GARRE1: variants seen among roughly 807,000 people sequenced by gnomAD.
The protein encoded by GARRE1 is granule associated Rac and RHOG effector protein 1.
Under a neutral mutation model 103.2 loss-of-function variants are expected in GARRE1, and 49 were observed. That is an observed-to-expected ratio of 0.47 (90% CI 0.38 to 0.60). GARRE1 has a LOEUF of 0.60. GARRE1 is among the 20% of genes least tolerant of loss of function. GARRE1 has a pLI of 0.00. For synonymous variants in GARRE1, 505 were observed against 532.8 expected, an observed-to-expected ratio of 0.95 and a Z score of 0.72; for missense variants, 1,199 against 1,370.5, an observed-to-expected ratio of 0.87 and a Z score of 1.98.
intron 1 of GARRE1, chr19:34,296,549 C>T (rs960304822): frequency 5.0e-6 from 8 of 1,595,128 alleles, no homozygotes; most frequent in Non-Finnish European, 6.8e-6. Flanking sequence ...CACGTGCACT[C>T]ATGGCCTTGG....
At chr19:34,339,516 C>T (rs531002083) in intron 8 of GARRE1, among the ~76,000 whole-genome samples, 1 of 152,162 alleles carries the variant, frequency 6.6e-6, no homozygotes, top group African/African-American at 2.4e-5. Flanking sequence ...ACCCGATGGT[C>T]TGATGATTTT....
rs767257216 is a variant in GARRE1 at position 34,342,361 on chromosome 19, G to A, written c.2427G>A (p.Lys809=). 16 of 1,614,208 alleles carry A rather than the reference G, an allele frequency of 9.9e-6. No individual in the cohort carries two copies. Among genetic ancestry groups the A allele is most frequent in the Non-Finnish European group, 1.4e-5 (16 of 1,180,038 alleles). The change falls in exon 10 of 14, where the codon AAG becomes AAA. Residue 809 remains lysine (K), a synonymous_variant. Transcript: ENST00000299505. ...TGATGTCAGAGGTTCTGGGACAGAA[G>A]CCGCAGGGACCTAGAAATAACACCT... ...DNVMSEVLGQ[K]PQGPRNNTWP... is the part of the protein sequence containing the mutation.
intron 7 of GARRE1, among the ~76,000 whole-genome samples, chr19:34,331,707 A>G (rs540171298): frequency 2.0e-4 from 30 of 152,266 alleles, no homozygotes; most frequent in African/African-American, 7.0e-4. Flanking sequence ...TCAAAAACAT[A>G]TGGTGGCAGG....
rs1428242952 is a variant in GARRE1 at position 34,329,884 on chromosome 19, C to CCT, written c.1105-304_1105-303dup. Among the ~76,000 whole-genome samples the CCT allele has an allele frequency of 2.6e-5, 4 of 151,922 alleles. No individual in the cohort carries two copies. In the East Asian group the frequency reaches 7.7e-4, roughly 29 times the overall value. On this transcript the variant is annotated intron_variant, in intron 6 of 13. Coordinates refer to ENST00000299505, the MANE Select transcript of GARRE1 (RefSeq NM_014686.5). ...TCTTTTCCCAGGAGTTCAAGACTAG[C>CCT]CTGGGCAACATAGCAAGACTCCACG... is the stretch of plus-strand genomic sequence containing the variant.
At chr19:34,260,476 A>G (rs751981044) in intron 1 of GARRE1, among the ~76,000 whole-genome samples, 1 of 152,222 alleles carries the variant, frequency 6.6e-6, no homozygotes, top group Non-Finnish European at 1.5e-5. Context: ...AATTTTGGCT[A>G]TATACTTCTT....
intron 1 of GARRE1, among the ~76,000 whole-genome samples, chr19:34,288,468 A>G (rs1339379057): frequency 2.0e-5 from 3 of 152,196 alleles, no homozygotes; most frequent in Admixed American, 1.3e-4. Flanking sequence ...CCTGTGTGCA[A>G]TCAGAATTGC....
intron 1 of GARRE1, among the ~76,000 whole-genome samples, chr19:34,272,926 A>G (rs940052140): frequency 1.3e-5 from 2 of 152,230 alleles, no homozygotes; most frequent in African/African-American, 4.8e-5. Flanking sequence ...TAACACGGCC[A>G]GGTGTGATGG....
chr19:34,342,385 C>G lies in GARRE1; in HGVS notation c.2451C>G (p.Thr817=), dbSNP rs758541825. 1.2e-6 allele frequency: 2 copies of G among 1,614,192 alleles called. No homozygotes were observed. Among genetic ancestry groups the G allele is most frequent in the East Asian group, 2.2e-5 (1 of 44,882 alleles). Residue 817 remains threonine, a synonymous_variant, in exon 10 of 14, where the codon ACC becomes ACG. Transcript: ENST00000299505. The part of the protein sequence containing the change: ...GQKPQGPRNN[T]WPNRDQSDGV... ...AGCCGCAGGGACCTAGAAATAACAC[C>G]TGGCCCAACCGTGACCAAAGTGATG...
chr19:34,279,942 G>A (rs1301000376), intron 1 of GARRE1, among the ~76,000 whole-genome samples: 1 of 137,128 alleles, frequency 7.3e-6, no homozygotes, highest in African/African-American at 2.9e-5. Flanking sequence ...CCGAGATCCC[G>A]CCACTGCACT....
rs146336774 is a variant in GARRE1 at position 34,293,715 on chromosome 19, AACACAC to A, written c.-795-5940_-795-5935del. ...CAACCTCTTGAAGCATAAACATATA[AACACAC>A]ACACACACACACACACACACACATA... On this transcript the variant is annotated intron_variant, in intron 1 of 13. Transcript: ENST00000299505. Among the ~76,000 whole-genome samples the A allele has an allele frequency of 4.9e-3, 497 of 100,494 alleles. 3 individuals are homozygous for A. The highest frequency in any genetic ancestry group is 0.012 in the East Asian group (40 of 3,386). 65.9% of individuals were successfully genotyped at this position (100,494 alleles called of 152,430 possible).
In GARRE1 at chr19:34,300,548, G is replaced by A. The variant is rs753820886; in HGVS notation, c.75G>A (p.Lys25=). The A allele has an allele frequency of 6.2e-7, 1 of 1,613,538 alleles. No homozygotes were observed. Among genetic ancestry groups the A allele is most frequent in the East Asian group, 2.2e-5 (1 of 44,876 alleles). The change falls in exon 2 of 14, where the codon AAG becomes AAA. Residue 25 remains lysine (K), a synonymous_variant. Coordinates refer to ENST00000299505, the MANE Select transcript of GARRE1 (RefSeq NM_014686.5). ...RRFLLGGSKQ[K]VQQHQQYPMP... ...TCCTGCTTGGCGGGTCCAAGCAGAA[G>A]GTGCAGCAGCACCAGCAATACCCGA...
rs368645251 is a variant in GARRE1, at chr19:34,349,112, G to A, written c.2784G>A (p.Met928Ile). ...CCAACGGGGACAGCTTGTTCTCCATGTTTTCAGGGCCTGACCTCGTTGCTG... is the reference window on the plus strand; with the variant it reads ...CCAACGGGGACAGCTTGTTCTCCATATTTTCAGGGCCTGACCTCGTTGCTG... ...SSANGDSLFS[M>I]FSGPDLVAAV... The change falls in exon 12 of 14, where the codon ATG (methionine) becomes ATA (isoleucine). Residue 928 changes from methionine (M) to isoleucine (I), a missense_variant. By Grantham distance (10) the Met-to-Ile change is conservative. Transcript: ENST00000299505. The A allele has an allele frequency of 6.2e-7, 1 of 1,612,798 alleles. No individual in the cohort carries two copies. The highest frequency in any genetic ancestry group is 1.3e-5 in the African/African-American group (1 of 74,900).
intron 1 of GARRE1, among the ~76,000 whole-genome samples, chr19:34,261,148 A>C (rs1049618615): frequency 9.9e-5 from 15 of 152,148 alleles, no homozygotes; most frequent in Admixed American, 1.3e-4. Flanking sequence ...CTGCACGTGG[A>C]GATTTCTTGG....
intron 2 of GARRE1, among the ~76,000 whole-genome samples, chr19:34,304,427 G>A (rs2073997451): frequency 6.7e-6 from 1 of 148,848 alleles, no homozygotes; most frequent in South Asian, 2.1e-4. Context: ...CCGGGCTAGA[G>A]TGCAGTGGCG....
chr19:34,316,557 G>A (rs2074061395), intron 2 of GARRE1, among the ~76,000 whole-genome samples: 1 of 152,192 alleles, frequency 6.6e-6, no homozygotes, highest in Admixed American at 6.5e-5. Flanking sequence ...GTGGGCAGAG[G>A]CAGGCTGGAG....
rs554868396 is a variant in GARRE1, at chr19:34,289,583, G to A, written c.-795-10096G>A. ...CACTAAATATACAAAAATTAGCTGG[G>A]TGTGGTGGCGCGTGTCTGTTATCCC... On this transcript the variant is annotated intron_variant, in intron 1 of 13. Coordinates refer to ENST00000299505, the MANE Select transcript of GARRE1 (RefSeq NM_014686.5). 1.4e-3 allele frequency among the ~76,000 whole-genome samples: 218 copies of A among 151,918 alleles called. 2 individuals carry two copies. Among genetic ancestry groups the A allele is most frequent in the African/African-American group, 5.1e-3 (213 of 41,438 alleles).
intron 10 of GARRE1, among the ~76,000 whole-genome samples, chr19:34,344,847 T>C (rs910049381): frequency 2.3e-4 from 34 of 150,886 alleles, no homozygotes; most frequent in Non-Finnish European, 4.4e-4. Context: ...CTAATTTTTT[T>C]TTTTTTTTAT....
intron 3 of GARRE1, 22 bp from the exon 4 acceptor site, chr19:34,327,399 C>T: frequency 1.2e-6 from 2 of 1,611,806 alleles, no homozygotes; most frequent in Non-Finnish European, 1.7e-6. Flanking sequence ...CTTTTACCTA[C>T]CAGTTACTAT....
At chr19:34,284,623 A>G (rs2073875402) in intron 1 of GARRE1, among the ~76,000 whole-genome samples, 2 of 152,246 alleles carry the variant, frequency 1.3e-5, no homozygotes, top group South Asian at 4.1e-4. Flanking sequence ...AAGTAGCATT[A>G]AAACTTAAGA....
Sources: gnomAD v4.1 joint callset for allele counts (sites outside exome capture counted in the v4.1 genomes callset) on GRCh38, gnomAD v4.1.1 for gene constraint, MANE v1.5 for transcripts, NCBI Gene and HGNC (gene_info 2026-07-23, HGNC 2026-07-21) for gene names.